PRELID2: variants seen among roughly 807,000 people sequenced by gnomAD.
PRELID2 encodes the protein PRELI domain containing 2, also known as PRELI domain-containing protein 2.
PRELID2 carries 25 observed loss-of-function variants against 28.4 expected under a neutral mutation model. That is an observed-to-expected ratio of 0.88 (90% CI 0.64 to 1.23). PRELID2 has a LOEUF of 1.23. Among genes scored for constraint, PRELID2 ranks in the 50% most tolerant of loss-of-function variants. PRELID2 has a pLI of 0.00. For missense variants in PRELID2, 201 were observed against 214.4 expected (o/e 0.94, Z 0.39); for synonymous variants, 76 against 71.6 (o/e 1.06, Z -0.31).
intron 1 of PRELID2, among the ~76,000 whole-genome samples, chr5:145,490,833 C>T (rs1193599472): frequency 6.6e-6 from 1 of 152,104 alleles, no homozygotes; most frequent in Non-Finnish European, 1.5e-5. Context: ...TTCTCCATGA[C>T]AACGACTAAC....
chr5:145,708,429 C>T (rs891913), intron 1 of PRELID2, among the ~76,000 whole-genome samples: 1 of 152,066 alleles, frequency 6.6e-6, no homozygotes, highest in African/African-American at 2.4e-5. Context: ...TAGATTATTT[C>T]TAAGGTCCCT....
At chr5:145,499,204 T>C (rs888383649) in intron 1 of PRELID2, among the ~76,000 whole-genome samples, 4 of 152,072 alleles carry the variant, frequency 2.6e-5, no homozygotes, top group African/African-American at 9.7e-5. Flanking sequence ...CCTATGATCA[T>C]GCTACTGCAC....
intron 1 of PRELID2, among the ~76,000 whole-genome samples, chr5:145,533,187 T>A (rs1000521660): frequency 3.9e-5 from 6 of 152,082 alleles, no homozygotes; most frequent in African/African-American, 1.4e-4. Flanking sequence ...ACCAGTGACA[T>A]GTATAAAATG....
chr5:145,273,215 T>G, the PRELID2 span, among the ~76,000 whole-genome samples: 26 of 152,260 alleles, frequency 1.7e-4, no homozygotes, highest in African/African-American at 6.0e-4. Context: ...TCGAATTATT[T>G]TCCTAGGGGT....
At chr5:145,350,836 C>T in the PRELID2 span, among the ~76,000 whole-genome samples, 1 of 152,106 alleles carries the variant, frequency 6.6e-6, no homozygotes, top group Non-Finnish European at 1.5e-5. Flanking sequence ...AGCCTGCAGG[C>T]TTCCAGGTCT....
At chr5:145,776,221 C>T (rs1581178908) in intron 5 of PRELID2, among the ~76,000 whole-genome samples, 1 of 152,248 alleles carries the variant, frequency 6.6e-6, no homozygotes. Context: ...TGTCCTGGCA[C>T]ATGAATCATC....
At chr5:145,799,088 C>T (rs1392722931) in intron 4 of PRELID2, among the ~76,000 whole-genome samples, 1 of 150,304 alleles carries the variant, frequency 6.7e-6, no homozygotes, top group Non-Finnish European at 1.5e-5. Context: ...TCAAAAGTCA[C>T]AGAAAAAGGG....
chr5:145,536,605 G>A (rs1187173172), intron 1 of PRELID2, among the ~76,000 whole-genome samples: 3 of 151,690 alleles, frequency 2.0e-5, no homozygotes, highest in Admixed American at 6.6e-5. Context: ...AAAGACAAGG[G>A]AAGAGAGGAA....
At position 145,771,848 on chromosome 5, in the gene PRELID2, T is replaced by TC. The variant is rs1361729291; in HGVS notation, c.475-6849dup. Among the ~76,000 whole-genome samples the TC allele has an allele frequency of 3.3e-5, 5 of 151,260 alleles. No homozygotes were observed. In the East Asian group the frequency reaches 9.7e-4, roughly 29 times the overall value. On this transcript the variant is annotated intron_variant, in intron 5 of 6. Coordinates refer to ENST00000683046, the MANE Select transcript of PRELID2 (RefSeq NM_205846.3). ...CCAGCCTGGGCAATAAGAGCAAGAC[T>TC]CCATCTCAAAAAAAAAGCAAGAAAG...
At chr5:145,239,331 T>C in the PRELID2 span, among the ~76,000 whole-genome samples, 1 of 152,012 alleles carries the variant, frequency 6.6e-6, no homozygotes, top group African/African-American at 2.4e-5. Flanking sequence ...GTGCCTACCA[T>C]GTTCCAGGAA....
chr5:145,319,379 T>C, the PRELID2 span, among the ~76,000 whole-genome samples: 21 of 152,152 alleles, frequency 1.4e-4, no homozygotes, highest in African/African-American at 5.1e-4. Context: ...TAAAAAGTAA[T>C]CCCACCAGGT....
chr5:145,363,770 G>T, the PRELID2 span, among the ~76,000 whole-genome samples: 5 of 151,948 alleles, frequency 3.3e-5, no homozygotes, highest in Non-Finnish European at 7.4e-5. Context: ...TTTGCCTTGA[G>T]TAGAAATTTG....
chr5:145,776,661 CA>C (rs1353914781), intron 5 of PRELID2, among the ~76,000 whole-genome samples: 1 of 152,220 alleles, frequency 6.6e-6, no homozygotes, highest in Non-Finnish European at 1.5e-5. Context: ...ACTGTATATA[CA>C]AATGCTCTTT....
At chr5:145,529,624 G>A (rs1752638534) in intron 1 of PRELID2, among the ~76,000 whole-genome samples, 1 of 152,126 alleles carries the variant, frequency 6.6e-6, no homozygotes. Flanking sequence ...ACTGTTCCAA[G>A]CACTAGGAAA....
the PRELID2 span, among the ~76,000 whole-genome samples, chr5:145,334,760 CTTGT>C: frequency 2.1e-5 from 3 of 142,906 alleles, no homozygotes. Flanking sequence ...GCATAGTATT[CTTGT>C]TTGTCAGTTT....
At chr5:145,421,635 T>C in the PRELID2 span, among the ~76,000 whole-genome samples, 304 of 125,240 alleles carry the variant, frequency 2.4e-3, no homozygotes, top group Admixed American at 3.9e-3. Flanking sequence ...TTTTTCTTTA[T>C]TAGTCTTGCT....
chr5:145,660,981 C>T (rs924671716), intron 1 of PRELID2, among the ~76,000 whole-genome samples: 1 of 152,114 alleles, frequency 6.6e-6, no homozygotes, highest in African/African-American at 2.4e-5. Flanking sequence ...TTCAATTGAA[C>T]CAAAACTTTG....
At chr5:145,599,555 G>GC (rs1325286554) in intron 1 of PRELID2, among the ~76,000 whole-genome samples, 1 of 152,048 alleles carries the variant, frequency 6.6e-6, no homozygotes, top group African/African-American at 2.4e-5. Flanking sequence ...GCACTGGACT[G>GC]TTTCTGTCTT....
At chr5:145,475,385 A>C (rs1406144324) in intron 1 of PRELID2, among the ~76,000 whole-genome samples, 1 of 152,180 alleles carries the variant, frequency 6.6e-6, no homozygotes, top group Admixed American at 6.6e-5. Context: ...ACTTCCACTT[A>C]GCTTATGAAA....
Sources: allele counts gnomAD v4.1 joint callset (sites outside exome capture counted in the v4.1 genomes callset), GRCh38; gene constraint gnomAD v4.1.1; transcripts MANE v1.5; gene names NCBI Gene and HGNC (gene_info 2026-07-23, HGNC 2026-07-21).